SIPA1: variants seen among roughly 807,000 people sequenced by gnomAD.
SIPA1 encodes signal-induced proliferation-associated 1, also known as signal-induced proliferation-associated protein 1.
SIPA1 carries 51 observed loss-of-function variants against 88.1 expected under a neutral mutation model. The observed-to-expected ratio is 0.58, with a 90% CI of 0.46 to 0.73. SIPA1 has a LOEUF of 0.73. Ranked by LOEUF, SIPA1 falls within the 30% of genes least tolerant of loss-of-function variation. SIPA1 has a pLI of 0.00. For missense variants in SIPA1, 1,348 were observed against 1,467.6 expected, an observed-to-expected ratio of 0.92 and a Z score of 1.33; for synonymous variants, 681 against 664.8, an observed-to-expected ratio of 1.02 and a Z score of -0.37.
Position 65,649,439 on chromosome 11 carries a change from G to A in SIPA1, c.2484G>A (p.Arg828=), listed in dbSNP as rs558824249. The part of the protein sequence containing the change: ...PPGPGDLAEE[R]TEFLHSQNSL... ...GGCCTGGGGATCTGGCCGAGGAGAG[G>A]ACTGAGTTCCTGCACAGCCAGAACT... is the stretch of plus-strand genomic sequence containing the variant. The change falls in exon 10 of 16, where the codon AGG becomes AGA. Residue 828 remains arginine, a synonymous_variant. Coordinates refer to ENST00000534313, the MANE Select transcript of SIPA1 (RefSeq NM_006747.4). 1 of 1,607,210 alleles carries A rather than the reference G, an allele frequency of 6.2e-7. No homozygotes were observed. Among genetic ancestry groups the A allele is most frequent in the East Asian group, 2.2e-5 (1 of 44,496 alleles).
At position 65,646,839 on chromosome 11, in the gene SIPA1, C is replaced by T. The variant is rs1441109320; in HGVS notation, c.1805C>T (p.Pro602Leu). The T allele has an allele frequency of 7.0e-6, 10 of 1,422,580 alleles. No individual in the cohort carries two copies. The East Asian group carries it at 2.3e-4, about 33-fold the overall frequency. 88.1% of individuals were successfully genotyped at this position (1,422,580 alleles called of 1,614,324 possible). The change falls in exon 8 of 16, where the codon CCC becomes CTC. Residue 602 changes from proline (P) to leucine (L), a missense_variant. By Grantham distance (98) the Pro-to-Leu change is moderately conservative. Transcript: ENST00000534313. This position sits in a 1 kb window ranked among gnomAD's most constrained non-coding sequence, Gnocchi z 7.5. ...GCCGCCGGGGCTCAGGCGAGCGGCC[C>T]CGAAGGCATCGAGGTGCCCTGCCTG... ...RVAAGAQASG[P>L]EGIEVPCLLG...
intron 10 of SIPA1, 36 bp downstream of exon 10, chr11:65,649,516 C>T (rs761950843): frequency 1.9e-6 from 3 of 1,613,928 alleles, no homozygotes; most frequent in Admixed American, 3.3e-5. Context: ...CTCCAGGCCT[C>T]TGGGAAAGCG....
At position 65,641,533 on chromosome 11, in the gene SIPA1, C is replaced by T. The variant is rs143976626; in HGVS notation, c.612C>T (p.Thr204=). Residue 204 remains threonine, a synonymous_variant, in exon 2 of 16, where the codon ACC becomes ACT. Coordinates refer to ENST00000534313, the MANE Select transcript of SIPA1 (RefSeq NM_006747.4). ...TCCTGGAGGAGCCACAGAACCGAAC[C>T]TCGGCCTACAGCCTGGAGCACGCAG... ...VSILEEPQNR[T]SAYSLEHADL... is the part of the protein sequence containing the mutation. 189 of 1,612,444 alleles carry T rather than the reference C, an allele frequency of 1.2e-4. No individual in the cohort carries two copies. The African/African-American group carries it at 2.3e-3, about 20-fold the overall frequency.
Position 65,647,719 on chromosome 11 carries a change from C to T in SIPA1, c.2306+61C>T, listed in dbSNP as rs970524537. The T allele has an allele frequency of 9.6e-6, 12 of 1,252,976 alleles. No homozygotes were observed. In the African/African-American group the frequency reaches 1.6e-4, roughly 17 times the overall value. The allele number at this position is 1,252,976 out of a possible 1,614,324, so 77.6% of individuals were successfully genotyped here. ...CGGCAGTTGGCCACCGCGCAGTCTGCGCCTCCCGGGTCGCCATCAGCAGTT... is the reference window on the plus strand; with the variant it reads ...CGGCAGTTGGCCACCGCGCAGTCTGTGCCTCCCGGGTCGCCATCAGCAGTT... On this transcript the variant is annotated intron_variant, in intron 9 of 15. Coordinates refer to ENST00000534313, the MANE Select transcript of SIPA1 (RefSeq NM_006747.4).
chr11:65,647,057 C>T lies in SIPA1; in HGVS notation c.2023C>T (p.Arg675Cys). The change falls in exon 8 of 16, where the codon CGC becomes TGC. Residue 675 changes from arginine (R) to cysteine (C), a missense_variant. This residue lies in a region of SIPA1 where 615 missense variants were observed against 559.8 expected (regional missense o/e 1.10). Coordinates refer to ENST00000534313, the MANE Select transcript of SIPA1 (RefSeq NM_006747.4). ...PGQAVGEVVA[R>C]LQLVSRGCET... Reference sequence around the variant, plus strand: ...CCAAGCCGTGGGCGAGGTGGTGGCGCGCCTGCAGGTGAGCTGGAGTGGTAA... The same window carrying T: ...CCAAGCCGTGGGCGAGGTGGTGGCGTGCCTGCAGGTGAGCTGGAGTGGTAA... The T allele has an allele frequency of 2.6e-6, 4 of 1,539,730 alleles. No individual in the cohort carries two copies. Among genetic ancestry groups the T allele is most frequent in the Non-Finnish European group, 3.5e-6 (4 of 1,149,178 alleles).
In SIPA1 at chr11:65,649,308, C is replaced by CA; in HGVS notation, c.2353_2354insA (p.Arg785GlnfsTer10). On this transcript the variant is annotated frameshift_variant, in exon 10 of 16. Coordinates refer to ENST00000534313, the MANE Select transcript of SIPA1 (RefSeq NM_006747.4). LOFTEE classifies it high-confidence loss of function. ...GCTGTCGCTGCAGGAGCCTAGCCGG[C>CA]GGGGGGCCCCAGATCCTGTGCAGGA... The CA allele has an allele frequency of 6.4e-7, 1 of 1,555,110 alleles. No homozygotes were observed. Among genetic ancestry groups the CA allele is most frequent in the South Asian group, 1.2e-5 (1 of 84,658 alleles).
intron 5 of SIPA1, 48 bp downstream of exon 5, chr11:65,645,177 G>C (rs750822376): frequency 6.4e-7 from 1 of 1,557,014 alleles, no homozygotes; most frequent in South Asian, 1.2e-5. Flanking sequence ...TGCTGAAGGG[G>C]TGAGCACAAA....
chr11:65,650,882 G>A lies in SIPA1; in HGVS notation c.*167G>A. ...TCCCTGTTTGTAAATATTCTGTGGA[G>A]AAAAGAGGACTTCAGGGAGTAAAAA... On this transcript the variant is annotated 3_prime_UTR_variant, in exon 16 of 16. Transcript: ENST00000534313. 1 of 736,354 alleles carries A rather than the reference G, an allele frequency of 1.4e-6. No homozygotes were observed. The highest frequency in any genetic ancestry group is 2.1e-6 in the Non-Finnish European group (1 of 468,842). The allele number at this position is 736,354 out of a possible 1,614,324, so 45.6% of individuals were successfully genotyped here.
chr11:65,650,542 C>T (rs759560649), intron 15 of SIPA1, 27 bp from the exon 16 acceptor site: 10 of 1,610,762 alleles, frequency 6.2e-6, no homozygotes, highest in African/African-American at 1.3e-5. Flanking sequence ...GCTGGCGGCT[C>T]TGACTCCTGT....
intron 1 of SIPA1, 200 bp downstream of exon 1, chr11:65,638,382 ACTCT>A (rs34679731): frequency 2.0e-5 from 3 of 151,526 alleles, no homozygotes; most frequent in Admixed American, 6.6e-5. Context: ...AGCCGTTCCT[ACTCT>A]CTCTGTGTGA....
chr11:65,647,296 G>A (rs1324791050), intron 8 of SIPA1, 88 bp from the exon 9 acceptor site: 2 of 1,370,604 alleles, frequency 1.5e-6, no homozygotes, highest in Non-Finnish European at 1.9e-6. Flanking sequence ...GGAAAGTTCC[G>A]TGTGGCCTGG....
In SIPA1 at chr11:65,647,515, G is replaced by A. The variant is rs1856153639; in HGVS notation, c.2163G>A (p.Gly721=). Residue 721 remains glycine (G), a synonymous_variant, in exon 9 of 16, where the codon GGG becomes GGA. Coordinates refer to ENST00000534313, the MANE Select transcript of SIPA1 (RefSeq NM_006747.4). ...VERFTFAETA[G]LRPGARLLRV... is the part of the protein sequence containing the mutation. ...GCTTCACATTCGCCGAGACGGCGGGGCTGCGGCCCGGGGCGCGCCTCCTGC... is the reference window on the plus strand; with the variant it reads ...GCTTCACATTCGCCGAGACGGCGGGACTGCGGCCCGGGGCGCGCCTCCTGC... 1 of 1,386,076 alleles carries A rather than the reference G, an allele frequency of 7.2e-7. No homozygotes were observed. The highest frequency in any genetic ancestry group is 9.3e-7 in the Non-Finnish European group (1 of 1,073,442). The allele number at this position is 1,386,076 out of a possible 1,614,324, so 85.9% of individuals were successfully genotyped here. A position where few individuals can be genotyped will look rare whatever the true frequency, so the allele number is the denominator to read the frequency against.
chr11:65,649,160 T>C (rs916573550), intron 9 of SIPA1, 102 bp from the exon 10 acceptor site: 1 of 803,416 alleles, frequency 1.2e-6, no homozygotes, highest in Admixed American at 3.1e-5. Context: ...GCCGGGGAGC[T>C]CTCCTGCTCC....
rs368104019 is a variant in SIPA1 at position 65,640,956 on chromosome 11, G to T, written c.35G>T (p.Arg12Leu). Residue 12 changes from arginine (R) to leucine (L), a missense_variant, in exon 2 of 16, where the codon CGG becomes CTG. By Grantham distance (102) the Arg-to-Leu change is moderately radical. Transcript: ENST00000534313. ...PMWAGGVGSPRRGMAPASTDD... is the reference protein window; with the variant it reads ...PMWAGGVGSPLRGMAPASTDD... ...TGGGCCGGCGGTGTGGGGAGCCCTC[G>T]GCGGGGCATGGCCCCTGCGTCCACA... is the stretch of plus-strand genomic sequence containing the variant. The T allele has an allele frequency of 6.5e-7, 1 of 1,548,704 alleles. No individual in the cohort carries two copies. Among genetic ancestry groups the T allele is most frequent in the Non-Finnish European group, 8.7e-7 (1 of 1,155,932 alleles).
In SIPA1 at chr11:65,646,794, C is replaced by G; in HGVS notation, c.1760C>G (p.Ala587Gly). 1 of 1,307,964 alleles carries G rather than the reference C, an allele frequency of 7.6e-7. No individual in the cohort carries two copies. The highest frequency in any genetic ancestry group is 9.7e-7 in the Non-Finnish European group (1 of 1,031,776). 81.0% of individuals were successfully genotyped at this position (1,307,964 alleles called of 1,614,324 possible). Residue 587 changes from alanine to glycine, a missense_variant, in exon 8 of 16, where the codon GCG becomes GGG. By Grantham distance (60) the Ala-to-Gly change is moderately conservative (BLOSUM62 0). Transcript: ENST00000534313. The surrounding 1 kb of genome is among the most constrained non-coding windows in gnomAD (Gnocchi z 7.5). The part of the protein sequence containing the change: ...AAGSLVWGVR[A>G]APGARVAAGA... ...GGCTCACTGGTGTGGGGAGTGCGCGCGGCGCCCGGGGCGCGGGTCGCCGCC... is the reference window on the plus strand; with the variant it reads ...GGCTCACTGGTGTGGGGAGTGCGCGGGGCGCCCGGGGCGCGGGTCGCCGCC...
rs1856030438 is a variant in SIPA1, at chr11:65,642,616, C to G, written c.961C>G (p.Leu321Val). The change falls in exon 4 of 16, where the codon CTG becomes GTG. Residue 321 changes from leucine to valine, a missense_variant. Coordinates refer to ENST00000534313, the MANE Select transcript of SIPA1 (RefSeq NM_006747.4). This position sits in a 1 kb window ranked among gnomAD's most constrained non-coding sequence, Gnocchi z 6.5. Reference sequence around the variant, plus strand: ...AGCTTCACCCAAGGTACCACGGACGCTGCTCACACTGGATGAGCAAGTGGT... The same window carrying G: ...AGCTTCACCCAAGGTACCACGGACGGTGCTCACACTGGATGAGCAAGTGGT... Reference protein sequence around the residue: ...GSASPKVPRTLLTLDEQVLSF... With the variant: ...GSASPKVPRTVLTLDEQVLSF... The G allele has an allele frequency of 6.3e-7, 1 of 1,577,524 alleles. No homozygotes were observed. Among genetic ancestry groups the G allele is most frequent in the Non-Finnish European group, 8.6e-7 (1 of 1,166,086 alleles).
intron 1 of SIPA1, chr11:65,639,751 T>C (rs1855966612): frequency 6.6e-6 from 1 of 152,276 alleles, no homozygotes; most frequent in Admixed American, 6.5e-5. Context: ...GCGTCACGTT[T>C]CCGCACTTAG....
chr11:65,646,922 T>C lies in SIPA1; in HGVS notation c.1888T>C (p.Phe630Leu). 1 of 1,534,944 alleles carries C rather than the reference T, an allele frequency of 6.5e-7. No homozygotes were observed. The highest frequency in any genetic ancestry group is 8.7e-7 in the Non-Finnish European group (1 of 1,145,996). ...GGCGCCGCGCGACGGCCGCGTAGTG[T>C]TCAATTGCGCCTGTCGCGACGTGCT... ...LVAPRDGRVV[F>L]NCACRDVLAW... is the part of the protein sequence containing the mutation. The change falls in exon 8 of 16, where the codon TTC becomes CTC. Residue 630 changes from phenylalanine (F) to leucine (L), a missense_variant. This residue lies in a region of SIPA1 where 24 missense variants were observed against 51.1 expected (regional missense o/e 0.47). Coordinates refer to ENST00000534313, the MANE Select transcript of SIPA1 (RefSeq NM_006747.4). This position sits in a 1 kb window ranked among gnomAD's most constrained non-coding sequence, Gnocchi z 7.5.
In SIPA1 at chr11:65,644,973, G is replaced by A. The variant is rs756648743; in HGVS notation, c.1003G>A (p.Val335Met). The change falls in exon 5 of 16, where the codon GTG becomes ATG. Residue 335 changes from valine (V) to methionine (M), a missense_variant. Val to Met is a conservative substitution (Grantham distance 21). Coordinates refer to ENST00000534313, the MANE Select transcript of SIPA1 (RefSeq NM_006747.4). Reference sequence around the variant, plus strand: ...CCCACAGCTGAGCTTCCAACGCAAGGTGGGCATCCTGTACTGCCGGGCGGG... The same window carrying A: ...CCCACAGCTGAGCTTCCAACGCAAGATGGGCATCCTGTACTGCCGGGCGGG... ...DEQVLSFQRK[V>M]GILYCRAGQG... 9.3e-6 allele frequency: 15 copies of A among 1,613,434 alleles called. No homozygotes were observed. Among genetic ancestry groups the A allele is most frequent in the Non-Finnish European group, 1.3e-5 (15 of 1,179,612 alleles).
Sources: allele counts gnomAD v4.1 joint callset, GRCh38; gene constraint gnomAD v4.1.1; regional missense constraint gnomAD v4.1.1; non-coding constraint Gnocchi (gnomAD v3.1); transcripts MANE v1.5; gene names NCBI Gene and HGNC (gene_info 2026-07-23, HGNC 2026-07-21).